The following KCNC1 variants were observed in gnomAD, a reference collection of about 807,000 sequenced individuals.
The protein encoded by KCNC1 is voltage-gated potassium channel KCNC1.
Under a neutral mutation model 43.4 loss-of-function variants are expected in KCNC1, and 8 were observed. The observed-to-expected ratio is 0.18, with a 90% CI of 0.11 to 0.33. The LOEUF (loss-of-function observed/expected upper bound fraction) is 0.33. KCNC1 is among the 10% of genes least tolerant of loss of function. The pLI, the probability that KCNC1 is intolerant of heterozygous loss-of-function variation, is 1.00. For missense variants in KCNC1, 420 were observed against 836.0 expected (o/e 0.50, Z 6.14); for synonymous variants, 361 against 360.5 (o/e 1.00, Z -0.01).
intron 1 of KCNC1, among the ~76,000 whole-genome samples, chr11:17,762,026 G>A (rs995099533): frequency 3.3e-5 from 5 of 152,150 alleles, no homozygotes; most frequent in African/African-American, 1.2e-4. Context: ...CCCCACCAGG[G>A]CCTCCTTGTT....
intron 1 of KCNC1, among the ~76,000 whole-genome samples, chr11:17,756,072 T>C (rs1006981186): frequency 6.6e-6 from 1 of 152,204 alleles, no homozygotes; most frequent in African/African-American, 2.4e-5. Flanking sequence ...CATCAGATGC[T>C]GCTGGTGAGT....
chr11:17,744,325 C>G (rs1848874768), intron 1 of KCNC1, among the ~76,000 whole-genome samples: 1 of 152,188 alleles, frequency 6.6e-6, no homozygotes, highest in African/African-American at 2.4e-5. Flanking sequence ...CAGCTCCTCC[C>G]CAGGGCACGT....
Position 17,737,058 on chromosome 11 carries a change from C to G in KCNC1, c.570+486C>G, listed in dbSNP as rs570642786. The stretch of plus-strand genomic sequence containing the variant: ...GTCCAGGTAAAGGCGCATCTGGAGC[C>G]AGCCATGGTCCCCCAAAAAGGCCTG... On this transcript the variant is annotated intron_variant, in intron 1 of 3. Transcript: ENST00000265969. Among the ~76,000 whole-genome samples the G allele has an allele frequency of 7.9e-5, 12 of 152,320 alleles. No individual in the cohort carries two copies. The South Asian group carries it at 2.3e-3, about 29-fold the overall frequency.
chr11:17,769,860 T>C (rs1226300402), intron 1 of KCNC1, among the ~76,000 whole-genome samples: 1 of 152,182 alleles, frequency 6.6e-6, no homozygotes, highest in African/African-American at 2.4e-5. Context: ...CCCGTTGGCA[T>C]AGCTTAGGCA....
Position 17,779,662 on chromosome 11 carries a change from G to C in KCNC1, c.1693+18G>C, listed in dbSNP as rs764173788. 1.5e-5 allele frequency: 22 copies of C among 1,507,730 alleles called. No homozygotes were observed. The highest frequency in any genetic ancestry group is 2.0e-5 in the Non-Finnish European group (22 of 1,123,096). 93.4% of individuals were successfully genotyped at this position (1,507,730 alleles called of 1,614,324 possible). ...GAGAAAGGGTATGTAGAGGAAGCTGGAGCACCGTGCATCGTCCGGGCCGCC... is the reference window on the plus strand; with the variant it reads ...GAGAAAGGGTATGTAGAGGAAGCTGCAGCACCGTGCATCGTCCGGGCCGCC... On this transcript the variant is annotated intron_variant, in intron 3 of 3. Coordinates refer to ENST00000265969, the MANE Select transcript of KCNC1 (RefSeq NM_001112741.2). This position sits in a 1 kb window ranked among gnomAD's most constrained non-coding sequence, Gnocchi z 7.2.
At position 17,776,806 on chromosome 11, in the gene KCNC1, CGTT is replaced by C; in HGVS notation, c.1505-2648_1505-2646del. On this transcript the variant is annotated intron_variant, in intron 2 of 3. Coordinates refer to ENST00000265969, the MANE Select transcript of KCNC1 (RefSeq NM_001112741.2). This position sits in a 1 kb window ranked among gnomAD's most constrained non-coding sequence, Gnocchi z 4.4. ...CCCCAGATTTATACAGTTGGCCCCT[CGTT>C]GGTTTCTCTTTCTTCAAGCCACCCC... The C allele has an allele frequency of 2.0e-6, 2 of 985,362 alleles. No individual in the cohort carries two copies. Among genetic ancestry groups the C allele is most frequent in the Non-Finnish European group, 2.4e-6 (2 of 830,012 alleles). 61.0% of individuals were successfully genotyped at this position (985,362 alleles called of 1,614,324 possible). A position where few individuals can be genotyped will look rare whatever the true frequency, so the allele number is the denominator to read the frequency against.
chr11:17,781,957 TA>T lies in KCNC1; in HGVS notation c.*224del. 2.2e-6 allele frequency: 1 copy of T among 464,408 alleles called. No homozygotes were observed. Among genetic ancestry groups the T allele is most frequent in the African/African-American group, 2.0e-5 (1 of 50,346 alleles). 28.8% of individuals were successfully genotyped at this position (464,408 alleles called of 1,614,324 possible). A position where few individuals can be genotyped will look rare whatever the true frequency, so the allele number is the denominator to read the frequency against. ...CTTTTCATTTTTTAAAATTTTATTT[TA>T]TTTGGGGAGGGGGGGTGGAGGGGCT... On this transcript the variant is annotated 3_prime_UTR_variant, in exon 4 of 4. Transcript: ENST00000265969. This position sits in a 1 kb window ranked among gnomAD's most constrained non-coding sequence, Gnocchi z 5.1.
chr11:17,768,635 T>C (rs889247779), intron 1 of KCNC1, among the ~76,000 whole-genome samples: 49 of 124,832 alleles, frequency 3.9e-4, no homozygotes, highest in African/African-American at 1.4e-3. Context: ...GGTTTGGGAA[T>C]GGGATGTCCT....
chr11:17,753,277 C>A (rs1848988869), intron 1 of KCNC1, among the ~76,000 whole-genome samples: 1 of 152,236 alleles, frequency 6.6e-6, no homozygotes, highest in South Asian at 2.1e-4. Context: ...AGGCTGCCAC[C>A]TTGAGCCATC....
chr11:17,777,383 A>C lies in KCNC1; in HGVS notation c.1505-2073A>C. The C allele has an allele frequency of 3.0e-6, 3 of 985,636 alleles. No individual in the cohort carries two copies. Among genetic ancestry groups the C allele is most frequent in the Non-Finnish European group, 3.6e-6 (3 of 829,874 alleles). 61.1% of individuals were successfully genotyped at this position (985,636 alleles called of 1,614,324 possible). ...AAGGAGACGCTGCCTGGGAGGACCC[A>C]CTGTTCTCCCCTTGAGGAAAATCCA... On this transcript the variant is annotated intron_variant, in intron 2 of 3. Transcript: ENST00000265969. This position sits in a 1 kb window ranked among gnomAD's most constrained non-coding sequence, Gnocchi z 4.3.
chr11:17,778,614 T>C (rs1447533239), intron 2 of KCNC1, among the ~76,000 whole-genome samples: 14 of 152,162 alleles, frequency 9.2e-5, no homozygotes. Context: ...AGTGATCAGC[T>C]TGGGTCCGTC....
Position 17,735,827 on chromosome 11 carries a change from C to T in KCNC1, c.-176C>T. 1.5e-6 allele frequency: 1 copy of T among 649,460 alleles called. No homozygotes were observed. Among genetic ancestry groups the T allele is most frequent in the Admixed American group, 4.1e-5 (1 of 24,408 alleles). 40.2% of individuals were successfully genotyped at this position (649,460 alleles called of 1,614,324 possible). A position where few individuals can be genotyped will look rare whatever the true frequency, so the allele number is the denominator to read the frequency against. On this transcript the variant is annotated 5_prime_UTR_variant, in exon 1 of 4. Transcript: ENST00000265969. The surrounding 1 kb of genome is among the most constrained non-coding windows in gnomAD (Gnocchi z 6.7). ...TCCCCTGGACCGGCACCCGACAAAG[C>T]GCCCGGAGAGGCTTGGCTCGCTCGT...
In KCNC1 at chr11:17,774,895, C is replaced by T. The variant is rs1849268199; in HGVS notation, c.1504+2297C>T. ...CCCGAGGCTCCAGCCTCATCCCTCA[C>T]CAGAACACTTCTCCCTCCAAAAGCT... On this transcript the variant is annotated intron_variant, in intron 2 of 3. Transcript: ENST00000265969. 5.1e-6 allele frequency: 5 copies of T among 985,368 alleles called. No individual in the cohort carries two copies. In the South Asian group the frequency reaches 1.4e-4, roughly 28 times the overall value. 61.0% of individuals were successfully genotyped at this position (985,368 alleles called of 1,614,324 possible).
Position 17,734,917 on chromosome 11 carries a change from CG to C in KCNC1, c.-1084del, listed in dbSNP as rs1848745445. 6.7e-6 allele frequency: 1 copy of C among 150,068 alleles called. No individual in the cohort carries two copies. Among genetic ancestry groups the C allele is most frequent in the Non-Finnish European group, 1.5e-5 (1 of 67,300 alleles). The allele number at this position is 150,068 out of a possible 1,614,324, so 9.3% of individuals were successfully genotyped here. ...CTCGCTGGCCTCACCTCGCCGCGCCCGGACCCGCCACCCCCGCCTCCCCGCC... is the reference window on the plus strand; with the variant it reads ...CTCGCTGGCCTCACCTCGCCGCGCCCGACCCGCCACCCCCGCCTCCCCGCC... On this transcript the variant is annotated 5_prime_UTR_variant, in exon 1 of 4. Transcript: ENST00000265969.
Position 17,735,918 on chromosome 11 carries a change from G to C in KCNC1, c.-85G>C. The C allele has an allele frequency of 7.4e-7, 1 of 1,356,418 alleles. No homozygotes were observed. Among genetic ancestry groups the C allele is most frequent in the African/African-American group, 1.6e-5 (1 of 63,754 alleles). The allele number at this position is 1,356,418 out of a possible 1,614,324, so 84.0% of individuals were successfully genotyped here. On this transcript the variant is annotated 5_prime_UTR_variant, in exon 1 of 4. Transcript: ENST00000265969. The surrounding 1 kb of genome is among the most constrained non-coding windows in gnomAD (Gnocchi z 6.7). ...CTGGGGGGAGGGGGGAAGAGGGCGCGCGCCCCCCTCCCCGGCGCCAACTCC... is the reference window on the plus strand; with the variant it reads ...CTGGGGGGAGGGGGGAAGAGGGCGCCCGCCCCCCTCCCCGGCGCCAACTCC...
intron 1 of KCNC1, among the ~76,000 whole-genome samples, chr11:17,741,637 C>T (rs181481797): frequency 4.1e-4 from 62 of 152,228 alleles, no homozygotes; most frequent in Non-Finnish European, 6.9e-4. Context: ...CCTGTCAGAT[C>T]GCCCGAGCCT....
intron 2 of KCNC1, chr11:17,775,408 G>A (rs892127973): frequency 2.0e-6 from 2 of 985,456 alleles, no homozygotes; most frequent in Non-Finnish European, 2.4e-6. Flanking sequence ...CTCCTCCTGT[G>A]TGCTGTGGCT....
rs368573465 is a variant in KCNC1 at position 17,771,900 on chromosome 11, A to G, written c.806A>G (p.Asn269Ser). Residue 269 changes from asparagine (N) to serine (S), a missense_variant, in exon 2 of 4, where the codon AAC (asparagine) becomes AGC (serine). This residue lies in a region of KCNC1 where 151 missense variants were observed against 216.7 expected (regional missense o/e 0.70). Transcript: ENST00000265969. This position sits in a 1 kb window ranked among gnomAD's most constrained non-coding sequence, Gnocchi z 4.7. ...EFLMRVIFCP[N>S]KVEFIKNSLN... ...CTCATGCGTGTCATCTTCTGCCCCA[A>G]CAAGGTAGAGTTCATCAAGAACTCG... 23 of 1,614,198 alleles carry G rather than the reference A, an allele frequency of 1.4e-5. No individual in the cohort carries two copies. In the East Asian group the frequency reaches 1.8e-4, roughly 13 times the overall value.
At chr11:17,760,963 G>A (rs1413190025) in intron 1 of KCNC1, among the ~76,000 whole-genome samples, 1 of 152,204 alleles carries the variant, frequency 6.6e-6, no homozygotes, top group African/African-American at 2.4e-5. Flanking sequence ...AGAGTTAGGC[G>A]GGAAAGTCGG....
Sources: gnomAD v4.1 joint callset for allele counts (sites outside exome capture counted in the v4.1 genomes callset) on GRCh38, gnomAD v4.1.1 for gene constraint, gnomAD v4.1.1 regional missense constraint, Gnocchi (gnomAD v3.1) non-coding constraint, MANE v1.5 for transcripts, NCBI Gene and HGNC (gene_info 2026-07-23, HGNC 2026-07-21) for gene names.